The following EPHA7 variants were observed in gnomAD, a reference collection of about 807,000 sequenced individuals.
EPHA7 encodes EPH receptor A7.
A neutral mutation model predicts 112.6 loss-of-function variants in EPHA7; 25 were observed. The ratio of observed to expected loss-of-function variants is 0.22; its 90% CI spans 0.16 to 0.31. The LOEUF (loss-of-function observed/expected upper bound fraction) is 0.31, where lower values mean the gene tolerates loss of function less well. EPHA7 is among the 10% of genes least tolerant of loss of function. The pLI is 1.00. For missense variants in EPHA7, 962 were observed against 1,212.6 expected (o/e 0.79, Z 3.07); for synonymous variants, 437 against 406.5 (o/e 1.07, Z -0.90).
intron 13 of EPHA7, among the ~76,000 whole-genome samples, chr6:93,255,418 A>C (rs1370082529): frequency 1.3e-5 from 2 of 152,180 alleles, no homozygotes; most frequent in Non-Finnish European, 2.9e-5. Flanking sequence ...AATGAAATAA[A>C]ATATGGATAA....
At chr6:93,293,125 AG>A (rs527675189) in intron 5 of EPHA7, among the ~76,000 whole-genome samples, 84 of 152,014 alleles carry the variant, frequency 5.5e-4, no homozygotes, top group Middle Eastern at 3.5e-3. Context: ...TTTAAGAATT[AG>A]ATTATTAAAA....
chr6:93,297,289 C>T (rs1772722184), intron 5 of EPHA7, among the ~76,000 whole-genome samples: 2 of 152,034 alleles, frequency 1.3e-5, no homozygotes, highest in South Asian at 2.1e-4. Context: ...AAACTTGTAA[C>T]ATTAAAGCTG....
chr6:93,328,157 GC>G lies in EPHA7; in HGVS notation c.1324+28559del, dbSNP rs1259684417. ...GGCTTTGCTTTCATATCTCACTCAG[GC>G]CTTTATTCAAACGTCATTCCAATAA... On this transcript the variant is annotated intron_variant, in intron 5 of 16. Transcript: ENST00000369303. Among the ~76,000 whole-genome samples, 3 of 151,354 alleles carry G rather than the reference GC, an allele frequency of 2.0e-5. No homozygotes were observed. The Admixed American group carries it at 2.0e-4, about 10-fold the overall frequency.
At chr6:93,400,190 T>A (rs1306923167) in intron 3 of EPHA7, among the ~76,000 whole-genome samples, 2 of 152,206 alleles carry the variant, frequency 1.3e-5, no homozygotes, top group South Asian at 4.1e-4. Context: ...TGAAACATTT[T>A]AAAAATCCAT....
intron 3 of EPHA7, among the ~76,000 whole-genome samples, chr6:93,375,039 A>C (rs1776984326): frequency 6.6e-6 from 1 of 152,188 alleles, no homozygotes; most frequent in Non-Finnish European, 1.5e-5. Context: ...TAAATGTCTG[A>C]AAGTTTCAAC....
chr6:93,244,003 A>G (rs958402212), intron 16 of EPHA7, among the ~76,000 whole-genome samples: 7 of 152,142 alleles, frequency 4.6e-5, no homozygotes, highest in African/African-American at 1.7e-4. Context: ...ACTGGATTCA[A>G]TTAACGTGTG....
intron 5 of EPHA7, among the ~76,000 whole-genome samples, chr6:93,346,070 T>A (rs1044929824): frequency 4.6e-5 from 7 of 151,748 alleles, no homozygotes; most frequent in African/African-American, 1.7e-4. Flanking sequence ...GTCCCTTAGC[T>A]GATCCAGGGC....
intron 5 of EPHA7, among the ~76,000 whole-genome samples, chr6:93,294,303 A>C (rs957068929): frequency 4.6e-5 from 7 of 152,218 alleles, no homozygotes; most frequent in African/African-American, 1.7e-4. Flanking sequence ...TCATGTAATA[A>C]GGATTCTTCT....
At chr6:93,378,866 T>C (rs1777190726) in intron 3 of EPHA7, among the ~76,000 whole-genome samples, 1 of 152,136 alleles carries the variant, frequency 6.6e-6, no homozygotes, top group Admixed American at 6.6e-5. Flanking sequence ...TGGATTCTGC[T>C]TCTAAACTTC....
chr6:93,306,810 C>T (rs1025372436), intron 5 of EPHA7, among the ~76,000 whole-genome samples: 3 of 151,764 alleles, frequency 2.0e-5, no homozygotes, highest in Non-Finnish European at 4.4e-5. Flanking sequence ...CAATTTGAAC[C>T]GAATTATGAC....
At chr6:93,281,943 ATAT>A (rs1431836287) in intron 5 of EPHA7, among the ~76,000 whole-genome samples, 2 of 152,002 alleles carry the variant, frequency 1.3e-5, no homozygotes, top group African/African-American at 4.8e-5. Context: ...GTAAATTTAT[ATAT>A]TATATATTTC....
chr6:93,367,423 A>T (rs1165174039), intron 3 of EPHA7, among the ~76,000 whole-genome samples: 1 of 152,198 alleles, frequency 6.6e-6, no homozygotes, highest in Non-Finnish European at 1.5e-5. Context: ...GCTCTATGTT[A>T]AAAAATATGA....
In EPHA7 at chr6:93,352,712, A is replaced by C. The variant is rs73755390; in HGVS notation, c.1324+4005T>G. Among the ~76,000 whole-genome samples the C allele has an allele frequency of 8.4e-3, 1,272 of 152,250 alleles. 16 individuals are homozygous for C. The highest frequency in any genetic ancestry group is 0.028 in the African/African-American group (1,166 of 41,564). On this transcript the variant is annotated intron_variant, in intron 5 of 16. Coordinates refer to ENST00000369303, the MANE Select transcript of EPHA7 (RefSeq NM_004440.4). Reference sequence around the variant, plus strand: ...AAACTAATATTAAAAAGCAGCACTTAAATAGTGCTTAAGAATGGAAAACTA... The same window carrying C: ...AAACTAATATTAAAAAGCAGCACTTCAATAGTGCTTAAGAATGGAAAACTA...
At chr6:93,417,907 C>A (rs1779322537) in intron 1 of EPHA7, among the ~76,000 whole-genome samples, 1 of 151,830 alleles carries the variant, frequency 6.6e-6, no homozygotes, top group Admixed American at 6.6e-5. Context: ...AATTTGGCGC[C>A]GGGTTTGAGG....
intron 5 of EPHA7, among the ~76,000 whole-genome samples, chr6:93,294,759 T>G (rs191066169): frequency 1.3e-5 from 2 of 152,122 alleles, no homozygotes; most frequent in Non-Finnish European, 2.9e-5. Context: ...TTTCAATGCA[T>G]ACATTAATAG....
At position 93,245,436 on chromosome 6, in the gene EPHA7, A is replaced by G. The variant is rs1198293940; in HGVS notation, c.2744T>C (p.Leu915Pro). 2 of 1,612,134 alleles carry G rather than the reference A, an allele frequency of 1.2e-6. No individual in the cohort carries two copies. Among genetic ancestry groups the G allele is most frequent in the Non-Finnish European group, 8.5e-7 (1 of 1,179,490 alleles). ...GTCSRPISPLLDQNTPDFTTF... is the reference protein window; with the variant it reads ...GTCSRPISPLPDQNTPDFTTF... ...AGTGAAATCAGGAGTGTTTTGATCCAGAAGAGGGCTTATTGGCCTAGATAA... is the reference window on the plus strand; with the variant it reads ...AGTGAAATCAGGAGTGTTTTGATCCGGAAGAGGGCTTATTGGCCTAGATAA... Residue 915 changes from leucine (L) to proline (P), a missense_variant, in exon 16 of 17, where the codon CTG becomes CCG. Leu to Pro is a moderately conservative substitution (Grantham distance 98). This residue lies in a region of EPHA7 where 746 missense variants were observed against 889.2 expected (regional missense o/e 0.84). Coordinates refer to ENST00000369303, the MANE Select transcript of EPHA7 (RefSeq NM_004440.4).
intron 5 of EPHA7, among the ~76,000 whole-genome samples, chr6:93,275,532 A>G (rs1379228557): frequency 6.6e-6 from 1 of 151,974 alleles, no homozygotes. Context: ...TAACAAATAA[A>G]TAAAATATAA....
intron 3 of EPHA7, among the ~76,000 whole-genome samples, chr6:93,367,987 C>T (rs756825043): frequency 6.6e-6 from 1 of 151,964 alleles, no homozygotes; most frequent in Non-Finnish European, 1.5e-5. Flanking sequence ...CAAATATAGC[C>T]CAGTATTCAT....
At chr6:93,298,970 A>C (rs933112165) in intron 5 of EPHA7, among the ~76,000 whole-genome samples, 3 of 152,174 alleles carry the variant, frequency 2.0e-5, no homozygotes, top group Non-Finnish European at 4.4e-5. Flanking sequence ...AAAACATTAA[A>C]AAGTGGGCAC....
Sources: gnomAD v4.1 joint callset for allele counts (sites outside exome capture counted in the v4.1 genomes callset) on GRCh38, gnomAD v4.1.1 for gene constraint, gnomAD v4.1.1 regional missense constraint, MANE v1.5 for transcripts, NCBI Gene and HGNC (gene_info 2026-07-23, HGNC 2026-07-21) for gene names.